Variants in BRAT1 observed in about 807,000 individuals in gnomAD.
BRAT1 encodes integrator complex assembly factor BRAT1.
In BRAT1, 74 loss-of-function variants were observed where a neutral mutation model predicts 70.6. The ratio of observed to expected loss-of-function variants is 1.05; its 90% CI spans 0.87 to 1.27. The LOEUF (loss-of-function observed/expected upper bound fraction) is 1.27. BRAT1 is among the 50% of genes most tolerant of loss of function. The probability of loss-of-function intolerance (pLI) is 0.00; values close to 1 mark genes in which losing one functional copy is unlikely to be tolerated. For synonymous variants in BRAT1, 615 were observed against 517.1 expected, an observed-to-expected ratio of 1.19 and a Z score of -2.57; for missense variants, 1,203 against 1,098.2, an observed-to-expected ratio of 1.10 and a Z score of -1.35.
Position 2,539,230 on chromosome 7 carries a change from G to A in BRAT1, c.1719C>T (p.Ser573=). 1 of 1,611,000 alleles carries A rather than the reference G, an allele frequency of 6.2e-7. No homozygotes were observed. Among genetic ancestry groups the A allele is most frequent in the Non-Finnish European group, 8.5e-7 (1 of 1,179,744 alleles). Residue 573 remains serine, a synonymous_variant, in exon 13 of 14, where the codon TCC becomes TCT. Transcript: ENST00000340611. ...TGGTGGGGGCGTGCAGGCCCTGGCT[G>A]GACAGCTGCCCCATGGCGGTCACTG... The part of the protein sequence containing the change: ...ASAVTAMGQL[S]SQGLHAPTSP...
chr7:2,553,220 G>A (rs545516336), intron 2 of BRAT1, among the ~76,000 whole-genome samples: 5 of 152,022 alleles, frequency 3.3e-5, no homozygotes, highest in Non-Finnish European at 7.4e-5. Context: ...TAGTAGAGAC[G>A]AGGTCTCACC....
Position 2,543,676 on chromosome 7 carries a change from C to A in BRAT1, c.717G>T (p.Arg239=). The A allele has an allele frequency of 6.4e-7, 1 of 1,563,098 alleles. No individual in the cohort carries two copies. Among genetic ancestry groups the A allele is most frequent in the Non-Finnish European group, 8.7e-7 (1 of 1,148,948 alleles). The part of the protein sequence containing the change: ...QSPWTEALWV[R]LSPRVACLLE... ...GCAGACAGGCCACGCGGGGACTCAG[C>A]CGCACCCACAGGGCTTCCGTCCAGG... The change falls in exon 5 of 14, where the codon CGG becomes CGT. Residue 239 remains arginine, a synonymous_variant. Coordinates refer to ENST00000340611, the MANE Select transcript of BRAT1 (RefSeq NM_152743.4). The surrounding 1 kb of genome is among the most constrained non-coding windows in gnomAD (Gnocchi z 5.5).
At chr7:2,554,487 C>T in intron 1 of BRAT1, 40 bp from the exon 2 acceptor site, 1 of 1,575,946 alleles carries the variant, frequency 6.3e-7, no homozygotes, top group South Asian at 1.1e-5. Context: ...AATGCCCACT[C>T]CAGACCCAGC....
At position 2,543,590 on chromosome 7, in the gene BRAT1, C is replaced by T. The variant is rs1131691679; in HGVS notation, c.803G>A (p.Arg268His). The T allele has an allele frequency of 1.3e-6, 2 of 1,510,712 alleles. No homozygotes were observed. The highest frequency in any genetic ancestry group is 1.8e-6 in the Non-Finnish European group (2 of 1,128,154). 93.6% of individuals were successfully genotyped at this position (1,510,712 alleles called of 1,614,324 possible). Residue 268 changes from arginine (R) to histidine (H), a missense_variant and splice_region_variant, in exon 5 of 14, where the codon CGT (arginine) becomes CAT (histidine). By Grantham distance (29) the Arg-to-His change is conservative (BLOSUM62 0). Transcript: ENST00000340611. The surrounding 1 kb of genome is among the most constrained non-coding windows in gnomAD (Gnocchi z 5.5). ...SFVDLLLCVA[R>H]SPVFSSSDGS... is the part of the protein sequence containing the mutation. ...CCCAGCTGCGTCCCGGGGCCCTGAC[C>T]GAGCCACACAGAGAAGCAGGTCCAC...
In BRAT1 at chr7:2,537,997, G is replaced by T; in HGVS notation, c.*72C>A. 6.9e-7 allele frequency: 1 copy of T among 1,459,534 alleles called. No individual in the cohort carries two copies. 90.4% of individuals were successfully genotyped at this position (1,459,534 alleles called of 1,614,324 possible). ...CGGGCTGGGCTGGAGCCCTGGGGCT[G>T]GCAGTGTCCCACAGAAGGACATGGT... On this transcript the variant is annotated 3_prime_UTR_variant, in exon 14 of 14. Coordinates refer to ENST00000340611, the MANE Select transcript of BRAT1 (RefSeq NM_152743.4).
At position 2,543,759 on chromosome 7, in the gene BRAT1, G is replaced by A; in HGVS notation, c.634C>T (p.Pro212Ser). ...ACGTTCAGGGCCTGAGTGACCTTGG[G>A]GGTGGCCGCGGAGCACAAGGACTCT... ...VEESLCSAAT[P>S]KVTQALNVLT... The change falls in exon 5 of 14, where the codon CCC becomes TCC. Residue 212 changes from proline (P) to serine (S), a missense_variant. Coordinates refer to ENST00000340611, the MANE Select transcript of BRAT1 (RefSeq NM_152743.4). The surrounding 1 kb of genome is among the most constrained non-coding windows in gnomAD (Gnocchi z 5.5). 1 of 1,606,630 alleles carries A rather than the reference G, an allele frequency of 6.2e-7. No individual in the cohort carries two copies. Among genetic ancestry groups the A allele is most frequent in the Non-Finnish European group, 8.5e-7 (1 of 1,174,802 alleles).
intron 10 of BRAT1, 123 bp from the exon 11 acceptor site, chr7:2,540,011 G>T: frequency 1.5e-6 from 1 of 669,370 alleles, no homozygotes; most frequent in Non-Finnish European, 2.4e-6. Context: ...AGGAAGTGGA[G>T]AGAGAAGGGA....
At chr7:2,545,677 A>T (rs1779559086) in intron 3 of BRAT1, among the ~76,000 whole-genome samples, 1 of 151,908 alleles carries the variant, frequency 6.6e-6, no homozygotes, top group Non-Finnish European at 1.5e-5. Context: ...TTTAGTAGAG[A>T]CAGGGCTTTA....
chr7:2,543,113 A>G lies in BRAT1; in HGVS notation c.923+91T>C. 7.0e-7 allele frequency: 1 copy of G among 1,435,476 alleles called. No homozygotes were observed. The highest frequency in any genetic ancestry group is 9.2e-7 in the Non-Finnish European group (1 of 1,085,366). The allele number at this position is 1,435,476 out of a possible 1,614,324, so 88.9% of individuals were successfully genotyped here. A position where few individuals can be genotyped will look rare whatever the true frequency, so the allele number is the denominator to read the frequency against. On this transcript the variant is annotated intron_variant, in intron 6 of 13. Transcript: ENST00000340611. The surrounding 1 kb of genome is among the most constrained non-coding windows in gnomAD (Gnocchi z 5.5). ...CGCCTGACTGTCCCTGGTGTCCGGAACTCCCCTGCCATGAGGGCTGCGCTC... is the reference window on the plus strand; with the variant it reads ...CGCCTGACTGTCCCTGGTGTCCGGAGCTCCCCTGCCATGAGGGCTGCGCTC...
chr7:2,545,599 C>CAG, intron 3 of BRAT1, among the ~76,000 whole-genome samples: 1 of 149,936 alleles, frequency 6.7e-6, no homozygotes, highest in Non-Finnish European at 1.5e-5. Context: ...AAGCTATTTT[C>CAG]CTGTCTCAGC....
rs1435242155 is a variant in BRAT1, at chr7:2,543,245, G to A, written c.882C>T (p.His294=). 5 of 1,610,514 alleles carry A rather than the reference G, an allele frequency of 3.1e-6. No individual in the cohort carries two copies. The Admixed American group carries it at 6.7e-5, about 22-fold the overall frequency. Residue 294 remains histidine (H), a synonymous_variant, in exon 6 of 14, where the codon CAC becomes CAT. Coordinates refer to ENST00000340611, the MANE Select transcript of BRAT1 (RefSeq NM_152743.4). The surrounding 1 kb of genome is among the most constrained non-coding windows in gnomAD (Gnocchi z 5.5). ...ARALSCLGPT[H]MGPLALGILK... ...GGATCCCCAAAGCCAGGGGTCCCAT[G>A]TGGGTGGGACCCAGGCAGCTCAGAG...
chr7:2,547,655 C>T (rs1263025378), intron 2 of BRAT1, among the ~76,000 whole-genome samples, 177 bp from the exon 3 acceptor site: 1 of 152,186 alleles, frequency 6.6e-6, no homozygotes, highest in African/African-American at 2.4e-5. Flanking sequence ...AATTTTAATT[C>T]AGTAAGGGCT....
chr7:2,553,664 GACAGGGTCTC>G (rs1780202131), intron 2 of BRAT1, among the ~76,000 whole-genome samples: 1 of 149,102 alleles, frequency 6.7e-6, no homozygotes, highest in African/African-American at 2.5e-5. Flanking sequence ...TTTTTTTTGA[GACAGGGTCTC>G]ACTCTATCAC....
intron 2 of BRAT1, among the ~76,000 whole-genome samples, chr7:2,551,596 G>A (rs566057078): frequency 6.0e-4 from 90 of 150,636 alleles, no homozygotes; most frequent in African/African-American, 2.1e-3. Context: ...TGAGGCAGGC[G>A]GACTGCCCAG....
chr7:2,553,417 C>T (rs1415625172), intron 2 of BRAT1, among the ~76,000 whole-genome samples: 1 of 152,096 alleles, frequency 6.6e-6, no homozygotes, highest in Non-Finnish European at 1.5e-5. Flanking sequence ...ATTCCTACAG[C>T]AAATAACATG....
intron 13 of BRAT1, 97 bp downstream of exon 13, chr7:2,539,082 C>T (rs931808886): frequency 7.0e-5 from 105 of 1,492,468 alleles, no homozygotes; most frequent in Non-Finnish European, 8.9e-5. Context: ...AGCAGCTGCT[C>T]CCACGCTGCA....
intron 7 of BRAT1, 61 bp from the exon 8 acceptor site, chr7:2,541,897 G>A: frequency 6.5e-7 from 1 of 1,549,502 alleles, no homozygotes; most frequent in Non-Finnish European, 8.9e-7. Context: ...ACGGTCACCA[G>A]CCACCCCACG....
At chr7:2,555,269 T>G (rs1307830813) in intron 1 of BRAT1, among the ~76,000 whole-genome samples, 28 of 151,948 alleles carry the variant, frequency 1.8e-4, no homozygotes, top group Admixed American at 1.8e-3. Flanking sequence ...AGAGGAACCC[T>G]CCCCACACTT....
chr7:2,552,187 G>A (rs1780093462), intron 2 of BRAT1, among the ~76,000 whole-genome samples: 1 of 130,690 alleles, frequency 7.7e-6, no homozygotes, highest in Admixed American at 8.6e-5. Context: ...GCGTTATCTC[G>A]GCTCACTGCA....
Sources: gnomAD v4.1 joint callset for allele counts (sites outside exome capture counted in the v4.1 genomes callset) on GRCh38, gnomAD v4.1.1 for gene constraint, Gnocchi (gnomAD v3.1) non-coding constraint, MANE v1.5 for transcripts, NCBI Gene and HGNC (gene_info 2026-07-23, HGNC 2026-07-21) for gene names.